LTBP1: variants seen among roughly 807,000 people sequenced by gnomAD.
The protein encoded by LTBP1 is latent transforming growth factor beta binding protein 1.
Under a neutral mutation model 207.6 loss-of-function variants are expected in LTBP1, and 129 were observed. That is an observed-to-expected ratio of 0.62 (90% CI 0.54 to 0.72). LTBP1 has a LOEUF of 0.72. Among genes scored for constraint, LTBP1 ranks in the 30% least tolerant of loss-of-function variants. LTBP1 has a pLI of 0.00. For missense variants in LTBP1, 2,281 were observed against 2,217.2 expected (o/e 1.03, Z -0.58); for synonymous variants, 963 against 833.7 (o/e 1.16, Z -2.67).
At chr2:33,305,525 C>T (rs545434442) in intron 22 of LTBP1, among the ~76,000 whole-genome samples, 2 of 152,106 alleles carry the variant, frequency 1.3e-5, no homozygotes, top group Admixed American at 1.3e-4. Flanking sequence ...ATAGCAGATG[C>T]GGATGCCCGA....
chr2:33,317,957 C>T (rs1436260930), intron 24 of LTBP1: 1 of 152,202 alleles, frequency 6.6e-6, no homozygotes, highest in Non-Finnish European at 1.5e-5. Context: ...CTTTCTCTTA[C>T]ATGTATAGAT....
intron 2 of LTBP1, among the ~76,000 whole-genome samples, chr2:32,995,174 C>A (rs1400892922): frequency 6.7e-6 from 1 of 150,026 alleles, no homozygotes; most frequent in Non-Finnish European, 1.5e-5. Context: ...CAGTGTGAGA[C>A]CCTGTCTCCA....
chr2:33,397,713 G>A (rs566684637), intron 33 of LTBP1, among the ~76,000 whole-genome samples: 23 of 147,168 alleles, frequency 1.6e-4, no homozygotes, highest in East Asian at 8.0e-4. Context: ...TAGTAGAGAC[G>A]GGATTTCACC....
rs552127445 is a variant in LTBP1 at position 33,103,863 on chromosome 2, A to G, written c.864-6719A>G. On this transcript the variant is annotated intron_variant, in intron 3 of 33. Coordinates refer to ENST00000404816, the MANE Select transcript of LTBP1 (RefSeq NM_206943.4). ...GATCACTTGAATTTTGTGGAGAAGAACTGGCCCTGGCAGCCTGAAGGTGAC... is the reference window on the plus strand; with the variant it reads ...GATCACTTGAATTTTGTGGAGAAGAGCTGGCCCTGGCAGCCTGAAGGTGAC... Among the ~76,000 whole-genome samples, 5 of 152,178 alleles carry G rather than the reference A, an allele frequency of 3.3e-5. No individual in the cohort carries two copies. The East Asian group carries it at 9.7e-4, about 29-fold the overall frequency.
chr2:33,033,899 T>C (rs979095529), intron 3 of LTBP1, among the ~76,000 whole-genome samples: 1 of 152,192 alleles, frequency 6.6e-6, no homozygotes, highest in African/African-American at 2.4e-5. Context: ...GCCTTTAAAG[T>C]TGTATTTCAA....
At chr2:33,091,619 T>G (rs2079097182) in intron 3 of LTBP1, among the ~76,000 whole-genome samples, 1 of 152,222 alleles carries the variant, frequency 6.6e-6, no homozygotes, top group Non-Finnish European at 1.5e-5. Context: ...AGGTGGAAAT[T>G]AAGCATTGCT....
At chr2:32,964,615 T>C (rs1679656717) in intron 2 of LTBP1, among the ~76,000 whole-genome samples, 1 of 152,142 alleles carries the variant, frequency 6.6e-6, no homozygotes. Flanking sequence ...AGCATCCAAA[T>C]GTTTAAATAT....
chr2:33,335,174 G>GAAA (rs201701995), intron 24 of LTBP1, among the ~76,000 whole-genome samples: 34 of 118,064 alleles, frequency 2.9e-4, no homozygotes, highest in African/African-American at 7.2e-4. Context: ...CCATGCTGGG[G>GAAA]AAAAAAAAAA....
intron 9 of LTBP1, among the ~76,000 whole-genome samples, chr2:33,231,040 TC>T (rs2091756716): frequency 2.0e-5 from 3 of 152,206 alleles, no homozygotes. Flanking sequence ...CAAACATTAA[TC>T]GCTGGGGCAC....
At chr2:33,283,185 G>A in intron 19 of LTBP1, among the ~76,000 whole-genome samples, 1 of 151,844 alleles carries the variant, frequency 6.6e-6, no homozygotes, top group Non-Finnish European at 1.5e-5. Context: ...ACAATATATA[G>A]GATGTCAGAT....
intron 22 of LTBP1, among the ~76,000 whole-genome samples, chr2:33,306,157 A>G (rs1244000631): frequency 2.6e-5 from 4 of 152,208 alleles, no homozygotes; most frequent in Admixed American, 1.3e-4. Context: ...ACCCTAACAT[A>G]TGCTCAGCTT....
intron 3 of LTBP1, among the ~76,000 whole-genome samples, chr2:33,079,015 C>G (rs191194942): frequency 2.6e-5 from 4 of 151,884 alleles, no homozygotes; most frequent in Admixed American, 2.0e-4. Flanking sequence ...CACACCACCA[C>G]GCCCAGCTAA....
At chr2:33,248,374 C>T (rs955521956) in intron 10 of LTBP1, among the ~76,000 whole-genome samples, 3 of 152,022 alleles carry the variant, frequency 2.0e-5, no homozygotes, top group African/African-American at 7.2e-5. Flanking sequence ...TCATACAGTC[C>T]ATAAAGGGTA....
chr2:33,097,902 G>A (rs1020616492), intron 3 of LTBP1, among the ~76,000 whole-genome samples: 11 of 152,130 alleles, frequency 7.2e-5, no homozygotes, highest in African/African-American at 2.6e-4. Context: ...TCTTTTTGCT[G>A]TTATAAACAG....
At chr2:33,236,308 A>G (rs4630744) in intron 9 of LTBP1, among the ~76,000 whole-genome samples, 59,951 of 152,126 alleles carry the variant, frequency 0.39, 13,546 homozygotes, top group Non-Finnish European at 0.5. Context: ...ACAGTGGTCA[A>G]TGGCTCAGTG....
intron 31 of LTBP1, among the ~76,000 whole-genome samples, chr2:33,372,272 T>C (rs553600304): frequency 3.0e-4 from 45 of 152,302 alleles, no homozygotes; most frequent in African/African-American, 1.0e-3. Flanking sequence ...AAGCACATCT[T>C]AAATAGTCTC....
intron 21 of LTBP1, 99 bp from the exon 22 acceptor site, chr2:33,301,423 A>C (rs573181765): frequency 7.3e-7 from 1 of 1,368,530 alleles, no homozygotes; most frequent in South Asian, 1.7e-5. Context: ...ACTTGTATCA[A>C]CATTGTCTTT....
At chr2:33,346,026 T>A (rs1452744553) in intron 25 of LTBP1, among the ~76,000 whole-genome samples, 1 of 152,212 alleles carries the variant, frequency 6.6e-6, no homozygotes, top group Non-Finnish European at 1.5e-5. Flanking sequence ...AAAGTGTACT[T>A]GTCACTGAGA....
intron 22 of LTBP1, among the ~76,000 whole-genome samples, chr2:33,305,031 T>C (rs1450894556): frequency 2.0e-5 from 3 of 152,144 alleles, no homozygotes; most frequent in Non-Finnish European, 4.4e-5. Context: ...ATACAATAAA[T>C]GGCTGGGTGC....
Sources: gnomAD v4.1 joint callset for allele counts (sites outside exome capture counted in the v4.1 genomes callset) on GRCh38, gnomAD v4.1.1 for gene constraint, MANE v1.5 for transcripts, NCBI Gene and HGNC (gene_info 2026-07-23, HGNC 2026-07-21) for gene names.